Variants in ZNF560 observed in about 807,000 individuals in gnomAD.
The protein encoded by ZNF560 is zinc finger protein 560.
Under a neutral mutation model 81.8 loss-of-function variants are expected in ZNF560, and 54 were observed. The observed-to-expected ratio is 0.66, with a 90% CI of 0.53 to 0.83. ZNF560 has a LOEUF of 0.83. Ranked by LOEUF, ZNF560 falls within the 40% of genes least tolerant of loss-of-function variation. The pLI is 0.00. For synonymous variants in ZNF560, 321 were observed against 317.9 expected, an observed-to-expected ratio of 1.01 and a Z score of -0.10; for missense variants, 940 against 932.4, an observed-to-expected ratio of 1.01 and a Z score of -0.11.
chr19:9,458,798 T>C, the ZNF560 span, among the ~76,000 whole-genome samples: 2 of 152,224 alleles, frequency 1.3e-5, no homozygotes, highest in African/African-American at 4.8e-5. Context: ...GGAAAGAAGC[T>C]AAAGCTATTA....
chr19:9,469,018 G>T, intron 9 of ZNF560, 87 bp downstream of exon 9: 1 of 1,071,778 alleles, frequency 9.3e-7, no homozygotes, highest in Non-Finnish European at 1.4e-6. Context: ...ATGAGCCACC[G>T]TGCCTGGCCA....
chr19:9,447,624 G>C, the ZNF560 span, among the ~76,000 whole-genome samples: 1 of 151,962 alleles, frequency 6.6e-6, no homozygotes, highest in Non-Finnish European at 1.5e-5. Context: ...AAGAATTTCA[G>C]AGCTTGAAGA....
intron 5 of ZNF560, 146 bp from the exon 6 acceptor site, chr19:9,471,524 C>A: frequency 3.6e-6 from 2 of 549,326 alleles, no homozygotes; most frequent in Non-Finnish European, 5.8e-6. Context: ...TAGACTGTGT[C>A]AAAAAATTGG....
intron 2 of ZNF560, among the ~76,000 whole-genome samples, chr19:9,493,469 A>G (rs1413035186): frequency 6.6e-6 from 1 of 152,096 alleles, no homozygotes; most frequent in Non-Finnish European, 1.5e-5. Context: ...GATTCAAGCC[A>G]TTCTCCTGCC....
downstream of ZNF560, among the ~76,000 whole-genome samples, chr19:9,461,801 T>C (rs1289287925): frequency 6.6e-6 from 1 of 152,202 alleles, no homozygotes; most frequent in African/African-American, 2.4e-5. Context: ...AAAAAGTATC[T>C]GGAAGGACAC....
At chr19:9,446,930 C>T in the ZNF560 span, among the ~76,000 whole-genome samples, 2 of 151,876 alleles carry the variant, frequency 1.3e-5, no homozygotes, top group African/African-American at 2.4e-5. Context: ...GTCAGGAGTT[C>T]GAGACCAGCC....
intron 2 of ZNF560, among the ~76,000 whole-genome samples, chr19:9,484,969 G>T (rs1413230306): frequency 3.9e-5 from 6 of 152,056 alleles, no homozygotes; most frequent in African/African-American, 1.4e-4. Flanking sequence ...AAAATTACAT[G>T]CCAACAAACT....
chr19:9,453,334 T>G, the ZNF560 span, among the ~76,000 whole-genome samples: 1 of 152,240 alleles, frequency 6.6e-6, no homozygotes, highest in Non-Finnish European at 1.5e-5. Context: ...TAATTTGTTA[T>G]GTCAACACAA....
At chr19:9,483,055 C>G (rs1599668570) in intron 2 of ZNF560, among the ~76,000 whole-genome samples, 1 of 152,150 alleles carries the variant, frequency 6.6e-6, no homozygotes, top group Admixed American at 6.5e-5. Flanking sequence ...TCCCAAAGTG[C>G]CGAGATTGCA....
At position 9,491,838 on chromosome 19, in the gene ZNF560, A is replaced by C. The variant is rs1329502463; in HGVS notation, c.-57+6290T>G. Among the ~76,000 whole-genome samples, 8 of 111,592 alleles carry C rather than the reference A, an allele frequency of 7.2e-5. 1 individual carries two copies. Among genetic ancestry groups the C allele is most frequent in the African/African-American group, 1.0e-4 (2 of 19,910 alleles). 73.2% of individuals were successfully genotyped at this position (111,592 alleles called of 152,430 possible). A position where few individuals can be genotyped will look rare whatever the true frequency, so the allele number is the denominator to read the frequency against. On this transcript the variant is annotated intron_variant, in intron 2 of 9. Coordinates refer to ENST00000301480, the MANE Select transcript of ZNF560 (RefSeq NM_152476.3). ...GAGACTCCGTCTCAAAAAAAAAAAA[A>C]AAAAAAACAGGGATAAAGGCTACTA... is the stretch of plus-strand genomic sequence containing the variant.
At chr19:9,490,420 A>C (rs1386906657) in intron 2 of ZNF560, among the ~76,000 whole-genome samples, 1 of 152,166 alleles carries the variant, frequency 6.6e-6, no homozygotes, top group Non-Finnish European at 1.5e-5. Context: ...ATGTACCAAT[A>C]ATTGGAATGC....
At chr19:9,455,942 C>T in the ZNF560 span, among the ~76,000 whole-genome samples, 4 of 152,018 alleles carry the variant, frequency 2.6e-5, no homozygotes, top group African/African-American at 7.2e-5. Flanking sequence ...TCAGAGGGTC[C>T]AACTACCCAT....
the ZNF560 span, among the ~76,000 whole-genome samples, chr19:9,449,974 CAAAAAAAAAA>C: frequency 6.9e-5 from 3 of 43,380 alleles, no homozygotes; most frequent in South Asian, 3.2e-3. Context: ...AACTCTGTCT[CAAAAAAAAAA>C]AAAAAAAAAA....
intron 2 of ZNF560, among the ~76,000 whole-genome samples, chr19:9,484,564 T>C (rs1324457717): frequency 6.6e-6 from 1 of 151,344 alleles, no homozygotes; most frequent in Non-Finnish European, 1.5e-5. Context: ...GGCAGATGAC[T>C]TGAGGTCAGG....
chr19:9,471,331 A>C lies in ZNF560; in HGVS notation c.286T>G (p.Phe96Val). The C allele has an allele frequency of 6.3e-7, 1 of 1,598,474 alleles. No homozygotes were observed. The highest frequency in any genetic ancestry group is 8.5e-7 in the Non-Finnish European group (1 of 1,173,760). ...QTSVSALQQE[F>V]WKIQTSNGIQ... ...CCATTAGAAGTTTGTATTTTCCAAA[A>C]CTCCTGCTGCAGTGCTGAAACACTG... Residue 96 changes from phenylalanine (F) to valine (V), a missense_variant, in exon 6 of 10, where the codon TTT becomes GTT. Transcript: ENST00000301480.
chr19:9,474,809 C>A (rs2073174609), intron 3 of ZNF560, among the ~76,000 whole-genome samples: 1 of 150,670 alleles, frequency 6.6e-6, no homozygotes, highest in African/African-American at 2.5e-5. Flanking sequence ...CAGCCATGCA[C>A]CACCATGCCT....
At chr19:9,453,158 C>T in the ZNF560 span, among the ~76,000 whole-genome samples, 2 of 152,112 alleles carry the variant, frequency 1.3e-5, no homozygotes, top group Non-Finnish European at 2.9e-5. Flanking sequence ...TTTGCTGTAT[C>T]TGTCAGCCAA....
rs915317072 is a variant in ZNF560, at chr19:9,466,413, A to G, written c.*161T>C. 3.3e-5 allele frequency: 20 copies of G among 613,226 alleles called. No individual in the cohort carries two copies. Among genetic ancestry groups the G allele is most frequent in the Non-Finnish European group, 3.6e-5 (13 of 362,616 alleles). The allele number at this position is 613,226 out of a possible 1,614,324, so 38.0% of individuals were successfully genotyped here. A position where few individuals can be genotyped will look rare whatever the true frequency, so the allele number is the denominator to read the frequency against. ...CCTTACATTTACAGGGTTTCTCTACAGTGTGAGTTTGTACATATCTAGAAA... is the reference window on the plus strand; with the variant it reads ...CCTTACATTTACAGGGTTTCTCTACGGTGTGAGTTTGTACATATCTAGAAA... On this transcript the variant is annotated 3_prime_UTR_variant, in exon 10 of 10. Transcript: ENST00000301480.
chr19:9,466,942 A>G lies in ZNF560; in HGVS notation c.2005T>C (p.Cys669Arg). The change falls in exon 10 of 10, where the codon TGT (cysteine) becomes CGT (arginine). Residue 669 changes from cysteine to arginine, a missense_variant. Cys to Arg is a radical substitution (Grantham distance 180). Coordinates refer to ENST00000301480, the MANE Select transcript of ZNF560 (RefSeq NM_152476.3). The part of the protein sequence containing the change: ...NACEKAYSRS[C>R]VLTQHLKTHA... ...GTTTTTAAGTGTTGAGTTAGTACAC[A>G]AGACCTACTGTAAGCTTTTTCACAT... 6.2e-7 allele frequency: 1 copy of G among 1,614,068 alleles called. No individual in the cohort carries two copies. The highest frequency in any genetic ancestry group is 8.5e-7 in the Non-Finnish European group (1 of 1,179,944).
Sources: gnomAD v4.1 joint callset for allele counts (sites outside exome capture counted in the v4.1 genomes callset) on GRCh38, gnomAD v4.1.1 for gene constraint, MANE v1.5 for transcripts, NCBI Gene and HGNC (gene_info 2026-07-23, HGNC 2026-07-21) for gene names.